The following TLN2 variants were observed in gnomAD, a reference collection of about 807,000 sequenced individuals.
TLN2 encodes the protein talin-2.
Under a neutral mutation model 294.7 loss-of-function variants are expected in TLN2, and 118 were observed. That is an observed-to-expected ratio of 0.40 (90% CI 0.34 to 0.47). The LOEUF (loss-of-function observed/expected upper bound fraction) is 0.47, where lower values mean the gene tolerates loss of function less well. Ranked by LOEUF, TLN2 falls within the 20% of genes least tolerant of loss-of-function variation. The probability of loss-of-function intolerance (pLI) is 0.84; values close to 1 mark genes in which losing one functional copy is unlikely to be tolerated. For missense variants in TLN2, 3,083 were observed against 3,282.2 expected (o/e 0.94, Z 1.48); for synonymous variants, 1,431 against 1,304.5 (o/e 1.10, Z -2.09).
At chr15:62,411,433 G>A (rs1254661024) in intron 1 of TLN2, among the ~76,000 whole-genome samples, 8 of 89,418 alleles carry the variant, frequency 8.9e-5, no homozygotes, top group Non-Finnish European at 1.5e-4. Flanking sequence ...TAATGGATGT[G>A]TGTGTGTGTG....
Position 62,805,567 on chromosome 15 carries a change from G to T in TLN2, c.6478-33G>T, listed in dbSNP as rs760354172. ...AAATTATTTTTTTCGTTTCCTTTTT[G>T]ATTTTTTTAACCTCTCTGTTTCTGA... On this transcript the variant is annotated intron_variant, in intron 50 of 58. Transcript: ENST00000636159. The T allele has an allele frequency of 8.4e-6, 13 of 1,543,034 alleles. No homozygotes were observed. The South Asian group carries it at 1.1e-4, about 13-fold the overall frequency.
intron 1 of TLN2, among the ~76,000 whole-genome samples, chr15:62,526,936 A>G (rs1310347422): frequency 1.3e-5 from 2 of 152,350 alleles, no homozygotes; most frequent in African/African-American, 4.8e-5. Flanking sequence ...GCATGTGTGC[A>G]CATGTACCAA....
At chr15:62,640,692 A>G (rs1185037598) in intron 3 of TLN2, among the ~76,000 whole-genome samples, 1 of 152,224 alleles carries the variant, frequency 6.6e-6, no homozygotes, top group African/African-American at 2.4e-5. Flanking sequence ...TGCTTCGCAC[A>G]CACACTCAGC....
chr15:62,623,687 T>G (rs894075860), intron 3 of TLN2, among the ~76,000 whole-genome samples: 1 of 152,232 alleles, frequency 6.6e-6, no homozygotes, highest in African/African-American at 2.4e-5. Context: ...CTTCTAATCC[T>G]TTGTTTCTTG....
chr15:62,807,396 C>A (rs181598173), intron 51 of TLN2, among the ~76,000 whole-genome samples: 28 of 152,256 alleles, frequency 1.8e-4, no homozygotes, highest in African/African-American at 6.5e-4. Context: ...GTGGCATGAC[C>A]AAGGTCACGC....
rs1241529684 is a variant in TLN2, at chr15:62,698,854, T to C, written c.1574T>C (p.Leu525Pro). Residue 525 changes from leucine to proline, a missense_variant, in exon 16 of 59, where the codon CTC (leucine) becomes CCC (proline). Leu to Pro is a moderately conservative substitution (Grantham distance 98). Transcript: ENST00000636159. Reference sequence around the variant, plus strand: ...AGTGAGCTCGACTCGCTGCCACCTCTCGGCCAGGATATGGTAAATACTGTT... The same window carrying C: ...AGTGAGCTCGACTCGCTGCCACCTCCCGGCCAGGATATGGTAAATACTGTT... Reference protein sequence around the residue: ...DLSELDSLPPLGQDMASRVWV... With the variant: ...DLSELDSLPPPGQDMASRVWV... 2 of 1,612,584 alleles carry C rather than the reference T, an allele frequency of 1.2e-6. No individual in the cohort carries two copies. The highest frequency in any genetic ancestry group is 2.7e-5 in the African/African-American group (2 of 74,904).
At position 62,792,916 on chromosome 15, in the gene TLN2, C is replaced by T. The variant is rs1410668890; in HGVS notation, c.5883+129C>T. The T allele has an allele frequency of 1.3e-5, 18 of 1,412,790 alleles. No homozygotes were observed. In the African/African-American group the frequency reaches 2.2e-4, roughly 17 times the overall value. 87.5% of individuals were successfully genotyped at this position (1,412,790 alleles called of 1,614,324 possible). ...GCTGACTCAGCTGTCTCATCCCGAT[C>T]TTCCCCACTGCCCAGGTTCTCCCAA... is the stretch of plus-strand genomic sequence containing the variant. On this transcript the variant is annotated intron_variant, in intron 46 of 58. Coordinates refer to ENST00000636159, the MANE Select transcript of TLN2 (RefSeq NM_015059.3).
At chr15:62,448,745 A>G (rs529344078) in intron 1 of TLN2, among the ~76,000 whole-genome samples, 17 of 152,342 alleles carry the variant, frequency 1.1e-4, no homozygotes, top group African/African-American at 3.6e-4. Flanking sequence ...CTCTAGATTC[A>G]CTATGTTAGC....
chr15:62,485,552 G>A (rs1309779969), intron 1 of TLN2, among the ~76,000 whole-genome samples: 1 of 152,218 alleles, frequency 6.6e-6, no homozygotes, highest in African/African-American at 2.4e-5. Context: ...GGGGCAAGTG[G>A]TTGTGCTCTG....
intron 52 of TLN2, among the ~76,000 whole-genome samples, chr15:62,819,188 C>T (rs2067355357): frequency 6.6e-6 from 1 of 152,116 alleles, no homozygotes; most frequent in African/African-American, 2.4e-5. Flanking sequence ...GGTTAAATTT[C>T]AGGTGCATGT....
chr15:62,820,651 T>C, intron 54 of TLN2, 41 bp downstream of exon 54: 1 of 1,597,054 alleles, frequency 6.3e-7, no homozygotes, highest in Non-Finnish European at 8.5e-7. Flanking sequence ...TGTCAGTGGG[T>C]TCTTCCAGTG....
At chr15:62,663,156 C>G (rs1350516206) in intron 9 of TLN2, among the ~76,000 whole-genome samples, 1 of 152,052 alleles carries the variant, frequency 6.6e-6, no homozygotes, top group African/African-American at 2.4e-5. Flanking sequence ...TACCAAGAGA[C>G]ACGTTTTCAC....
At chr15:62,627,191 C>G (rs2049357599) in intron 3 of TLN2, among the ~76,000 whole-genome samples, 1 of 152,156 alleles carries the variant, frequency 6.6e-6, no homozygotes, top group Non-Finnish European at 1.5e-5. Flanking sequence ...CATTTTGTTT[C>G]TTGGCAAAAG....
In TLN2 at chr15:62,722,402, G is replaced by A; in HGVS notation, c.3041G>A (p.Ser1014Asn). ...GCCAAAGCCGCAGTGCCCACCGTGA[G>A]TGACCAGGCCGCAGCCATGCAGCTG... ...SSAKAAVPTV[S>N]DQAAAMQLSQ... is the part of the protein sequence containing the mutation. Residue 1014 changes from serine (S) to asparagine (N), a missense_variant, in exon 26 of 59, where the codon AGT becomes AAT. Physicochemically the swap from Ser to Asn is conservative, Grantham distance 46. Coordinates refer to ENST00000636159, the MANE Select transcript of TLN2 (RefSeq NM_015059.3). 7 of 1,613,506 alleles carry A rather than the reference G, an allele frequency of 4.3e-6. No individual in the cohort carries two copies. The highest frequency in any genetic ancestry group is 5.9e-6 in the Non-Finnish European group (7 of 1,179,652).
In TLN2 at chr15:62,722,390, T is replaced by G; in HGVS notation, c.3029T>G (p.Val1010Gly). The G allele has an allele frequency of 6.2e-7, 1 of 1,613,306 alleles. No homozygotes were observed. The highest frequency in any genetic ancestry group is 8.5e-7 in the Non-Finnish European group (1 of 1,179,472). ...ATGGTGTCCTCTGCCAAAGCCGCAG[T>G]GCCCACCGTGAGTGACCAGGCCGCA... is the stretch of plus-strand genomic sequence containing the variant. ...SKMVSSAKAA[V>G]PTVSDQAAAM... Residue 1010 changes from valine (V) to glycine (G), a missense_variant, in exon 26 of 59, where the codon GTG (valine) becomes GGG (glycine). Transcript: ENST00000636159.
In TLN2 at chr15:62,716,505, AAG is replaced by A. The variant is rs767091291; in HGVS notation, c.2763+49_2763+50del. 1.9e-5 allele frequency: 29 copies of A among 1,557,570 alleles called. No homozygotes were observed. The African/African-American group carries it at 4.0e-4, about 22-fold the overall frequency. On this transcript the variant is annotated intron_variant, in intron 23 of 58. Coordinates refer to ENST00000636159, the MANE Select transcript of TLN2 (RefSeq NM_015059.3). ...TCTGGGATGCCCATCTTAAATTGCA[AAG>A]AGTTATTTGAAAAGATAGTTGAATT...
chr15:62,722,632 G>A, intron 26 of TLN2, 145 bp downstream of exon 26: 2 of 1,123,300 alleles, frequency 1.8e-6, no homozygotes, highest in Non-Finnish European at 2.3e-6. Context: ...TGCCCCTGTG[G>A]GTTGGCTTTT....
chr15:62,644,634 C>T, intron 3 of TLN2: 1 of 455,722 alleles, frequency 2.2e-6, no homozygotes, highest in Non-Finnish European at 4.4e-6. Flanking sequence ...TCCTGTGCAC[C>T]TTGCGGACCC....
intron 1 of TLN2, among the ~76,000 whole-genome samples, chr15:62,437,750 GGGGT>G (rs1369903452): frequency 2.7e-5 from 2 of 73,840 alleles, no homozygotes; most frequent in East Asian, 3.0e-4. Context: ...AAACACCATG[GGGGT>G]GTGTGTGTGT....
Sources: gnomAD v4.1 joint callset for allele counts (sites outside exome capture counted in the v4.1 genomes callset) on GRCh38, gnomAD v4.1.1 for gene constraint, MANE v1.5 for transcripts, NCBI Gene and HGNC (gene_info 2026-07-23, HGNC 2026-07-21) for gene names.